Variants in GUCY2F observed in about 807,000 individuals in gnomAD.
GUCY2F encodes retinal guanylyl cyclase 2.
A neutral mutation model predicts 73.1 loss-of-function variants in GUCY2F; 61 were observed. That is an observed-to-expected ratio of 0.83 (90% CI 0.68 to 1.03). GUCY2F has a LOEUF of 1.03. GUCY2F is among the 50% of genes least tolerant of loss of function. The pLI is 0.00. For missense variants in GUCY2F, 912 were observed against 854.3 expected (o/e 1.07, Z -0.84); for synonymous variants, 331 against 307.8 (o/e 1.08, Z -0.79).
At chrX:109,407,668 G>C (rs1014046378) in intron 9 of GUCY2F, among the ~76,000 whole-genome samples, 6 of 112,958 alleles carry the variant, frequency 5.3e-5, no homozygotes, top group Non-Finnish European at 7.5e-5. Flanking sequence ...TGCAGCCTAG[G>C]GACTTGGTTC....
intron 14 of GUCY2F, 145 bp downstream of exon 14, chrX:109,391,766 T>C (rs1182534223): frequency 8.6e-6 from 3 of 347,441 alleles, no homozygotes; most frequent in Non-Finnish European, 5.0e-6. Flanking sequence ...TCCAGTGATA[T>C]ACCAATGGAA....
In GUCY2F at chrX:109,396,349, G is replaced by GA. The variant is rs142080328; in HGVS notation, c.2276-861dup. Among the ~76,000 whole-genome samples, 222 of 101,555 alleles carry GA rather than the reference G, an allele frequency of 2.2e-3. 3 individuals carry two copies. In the East Asian group the frequency reaches 0.024, roughly 11 times the overall value. 88.2% of individuals were successfully genotyped at this position (101,555 alleles called of 115,157 possible). A position where few individuals can be genotyped will look rare whatever the true frequency, so the allele number is the denominator to read the frequency against. ...CAAAAAGAAAACTCCCTGGCAGCAG[G>GA]AAAAAAAAAAAAATCATTATCTCTC... is the stretch of plus-strand genomic sequence containing the variant. On this transcript the variant is annotated intron_variant, in intron 11 of 19. Coordinates refer to ENST00000218006, the MANE Select transcript of GUCY2F (RefSeq NM_001522.3).
chrX:109,450,409 C>T (rs7887957), intron 5 of GUCY2F, among the ~76,000 whole-genome samples: 1,983 of 111,407 alleles, frequency 0.018, 43 homozygotes, highest in African/African-American at 0.061. Context: ...TCAGTTGCGG[C>T]GGTTGACAAG....
chrX:109,408,265 C>A (rs1397758453), intron 9 of GUCY2F, among the ~76,000 whole-genome samples: 1 of 111,983 alleles, frequency 8.9e-6, no homozygotes, highest in Non-Finnish European at 1.9e-5. Flanking sequence ...GCCCTGTAAC[C>A]CCTTGGTATT....
chrX:109,398,655 G>A lies in GUCY2F; in HGVS notation c.2169C>T (p.Gly723=). Residue 723 remains glycine (G), a synonymous_variant, in exon 11 of 20, where the codon GGC becomes GGT. Transcript: ENST00000218006. Reference sequence around the variant, plus strand: ...CTCCTGCAAAAGAACCTAACCTGCTGCCTCTTGGAGCTCTCAACAGTTCAG... The same window carrying A: ...CTCCTGCAAAAGAACCTAACCTGCTACCTCTTGGAGCTCTCAACAGTTCAG... ...TAPELLRAPR[G]SRLGSFAGDV... The A allele has an allele frequency of 8.3e-7, 1 of 1,209,663 alleles. No homozygotes were observed.
At chrX:109,427,176 A>T (rs1309418452) in intron 8 of GUCY2F, among the ~76,000 whole-genome samples, 1 of 112,139 alleles carries the variant, frequency 8.9e-6, no homozygotes, top group East Asian at 2.8e-4. Flanking sequence ...TATTCTCAAT[A>T]GAGGCTCTAG....
chrX:109,427,587 TA>T (rs1485386670), intron 8 of GUCY2F, among the ~76,000 whole-genome samples: 2 of 112,177 alleles, frequency 1.8e-5, no homozygotes, highest in African/African-American at 6.5e-5. Context: ...TACCCAGCCC[TA>T]ACGTTTTGAG....
chrX:109,447,930 T>A (rs1932056437), intron 6 of GUCY2F, 139 bp downstream of exon 6: 1 of 299,734 alleles, frequency 3.3e-6, no homozygotes, highest in Non-Finnish European at 6.0e-6. Context: ...GTTTTTATAC[T>A]GTTTTCTAAA....
chrX:109,454,983 T>C (rs1932228001), intron 3 of GUCY2F, among the ~76,000 whole-genome samples: 1 of 111,814 alleles, frequency 8.9e-6, no homozygotes, highest in Non-Finnish European at 1.9e-5. Flanking sequence ...GAGTGAATCA[T>C]TTTTTATTAG....
At chrX:109,481,640 C>T (rs1569380281) in intron 1 of GUCY2F, among the ~76,000 whole-genome samples, 1 of 111,075 alleles carries the variant, frequency 9.0e-6, no homozygotes, top group Non-Finnish European at 1.9e-5. Flanking sequence ...AGAAACTAAA[C>T]GAAAGCTTGG....
intron 10 of GUCY2F, 95 bp from the exon 11 acceptor site, chrX:109,398,793 G>GC: frequency 1.3e-6 from 1 of 778,246 alleles, no homozygotes; most frequent in Non-Finnish European, 1.9e-6. Context: ...TTTATTGACT[G>GC]CCTTATATTT....
At chrX:109,448,976 G>T (rs987025500) in intron 5 of GUCY2F, among the ~76,000 whole-genome samples, 18 of 112,064 alleles carry the variant, frequency 1.6e-4, no homozygotes, top group African/African-American at 5.8e-4. Flanking sequence ...TTTATGATGT[G>T]TATTCACGCA....
At chrX:109,379,485 A>G (rs1289131231) in intron 17 of GUCY2F, among the ~76,000 whole-genome samples, 1 of 112,495 alleles carries the variant, frequency 8.9e-6, no homozygotes, top group African/African-American at 3.2e-5. Flanking sequence ...TTTGTACCCC[A>G]TAAAGTACAC....
chrX:109,476,359 C>T (rs1339512965), intron 1 of GUCY2F, among the ~76,000 whole-genome samples: 2 of 112,202 alleles, frequency 1.8e-5, no homozygotes, highest in African/African-American at 6.5e-5. Context: ...AGTTAACACA[C>T]GGCAAGTGCT....
At chrX:109,479,251 C>T (rs909492096) in intron 1 of GUCY2F, among the ~76,000 whole-genome samples, 2 of 112,325 alleles carry the variant, frequency 1.8e-5, no homozygotes, top group African/African-American at 6.5e-5. Context: ...CAATTTTCAA[C>T]TTCCTCATCT....
Position 109,475,325 on chromosome X carries a change from T to C in GUCY2F, c.612A>G (p.Arg204=), listed in dbSNP as rs142527330. The change falls in exon 2 of 20, where the codon CGA becomes CGG. Residue 204 remains arginine, a synonymous_variant. Transcript: ENST00000218006. The part of the protein sequence containing the change: ...DEDIWVHTAN[R]VASALRSHGL... Reference sequence around the variant, plus strand: ...CGTGGCTCCGAAGAGCACTTGCGACTCGATTGGCTGTATGCACCCAAATGT... The same window carrying C: ...CGTGGCTCCGAAGAGCACTTGCGACCCGATTGGCTGTATGCACCCAAATGT... 1.7e-4 allele frequency: 200 copies of C among 1,209,393 alleles called. No individual in the cohort carries two copies. In the African/African-American group the frequency reaches 3.2e-3, roughly 20 times the overall value.
chrX:109,402,070 C>G (rs1253861987), intron 10 of GUCY2F, among the ~76,000 whole-genome samples: 1 of 111,315 alleles, frequency 9.0e-6, no homozygotes, highest in Non-Finnish European at 1.9e-5. Flanking sequence ...GGAAGCCATT[C>G]GATAGATTTA....
intron 8 of GUCY2F, among the ~76,000 whole-genome samples, chrX:109,413,884 A>C (rs1028717370): frequency 9.0e-6 from 1 of 111,204 alleles, no homozygotes; most frequent in Non-Finnish European, 1.9e-5. Context: ...GTCATTCTCC[A>C]CATAAGTGCT....
intron 9 of GUCY2F, among the ~76,000 whole-genome samples, chrX:109,405,602 T>C (rs1930953959): frequency 1.8e-5 from 2 of 112,064 alleles, no homozygotes; most frequent in African/African-American, 6.5e-5. Flanking sequence ...GACACCCCTT[T>C]GTACTTGGAA....
Sources: allele counts gnomAD v4.1 joint callset (sites outside exome capture counted in the v4.1 genomes callset), GRCh38; gene constraint gnomAD v4.1.1; transcripts MANE v1.5; gene names NCBI Gene and HGNC (gene_info 2026-07-23, HGNC 2026-07-21).